TACC1: variants seen among roughly 807,000 people sequenced by gnomAD.
The protein encoded by TACC1 is transforming acidic coiled-coil containing protein 1, also known as transforming acidic coiled-coil-containing protein 1.
A neutral mutation model predicts 84.4 loss-of-function variants in TACC1; 48 were observed. That is an observed-to-expected ratio of 0.57 (90% CI 0.45 to 0.72). The LOEUF (loss-of-function observed/expected upper bound fraction) is 0.72, where lower values mean the gene tolerates loss of function less well. Ranked by LOEUF, TACC1 falls within the 30% of genes least tolerant of loss-of-function variation. The pLI, the probability that TACC1 is intolerant of heterozygous loss-of-function variation, is 0.00. For synonymous variants in TACC1, 372 were observed against 376.3 expected (o/e 0.99, Z 0.13); for missense variants, 920 against 973.0 (o/e 0.95, Z 0.72).
intron 2 of TACC1, among the ~76,000 whole-genome samples, chr8:38,790,438 A>C (rs1368771227): frequency 1.3e-5 from 2 of 152,294 alleles, no homozygotes; most frequent in Middle Eastern, 3.4e-3. Flanking sequence ...AGGGATTGTG[A>C]TTCAGCTTCT....
chr8:38,797,956 C>T (rs769281874), intron 2 of TACC1, among the ~76,000 whole-genome samples: 14 of 152,194 alleles, frequency 9.2e-5, no homozygotes, highest in Non-Finnish European at 1.9e-4. Flanking sequence ...TTCCAGAACC[C>T]ATGGGCATCT....
chr8:38,837,030 C>T (rs576676629), intron 7 of TACC1, among the ~76,000 whole-genome samples: 2 of 151,098 alleles, frequency 1.3e-5, no homozygotes, highest in South Asian at 2.1e-4. Flanking sequence ...AAAATAGCAT[C>T]AAGTTGGTAA....
At chr8:38,743,677 A>G (rs1807517957) in intron 2 of TACC1, among the ~76,000 whole-genome samples, 1 of 152,096 alleles carries the variant, frequency 6.6e-6, no homozygotes, top group South Asian at 2.1e-4. Context: ...TGTCATAGAA[A>G]CTCAAAATAA....
chr8:38,758,675 T>C (rs1274738086), intron 3 of TACC1, among the ~76,000 whole-genome samples: 3 of 71,132 alleles, frequency 4.2e-5, no homozygotes, highest in Non-Finnish European at 7.5e-5. Flanking sequence ...GGAGACTCCA[T>C]CTCAAAAAAA....
chr8:38,816,226 A>C (rs1229307063), intron 2 of TACC1, among the ~76,000 whole-genome samples: 2 of 152,240 alleles, frequency 1.3e-5, no homozygotes, highest in East Asian at 3.8e-4. Flanking sequence ...TAGAAATAGT[A>C]CATAAAGTGG....
At chr8:38,804,752 A>G (rs540526138) in intron 2 of TACC1, among the ~76,000 whole-genome samples, 43 of 152,236 alleles carry the variant, frequency 2.8e-4, no homozygotes, top group African/African-American at 9.9e-4. Flanking sequence ...GCAGGCAAAC[A>G]CCACTGTACT....
In TACC1 at chr8:38,808,016, A is replaced by G. The variant is rs369629072; in HGVS notation, c.278-11506A>G. Among the ~76,000 whole-genome samples, 162 of 152,370 alleles carry G rather than the reference A, an allele frequency of 1.1e-3. 1 individual carries two copies. The highest frequency in any genetic ancestry group is 8.8e-5 in the Non-Finnish European group (6 of 68,042). Reference sequence around the variant, plus strand: ...GAAAGGAAGAGTTTCATTAACAGCAACAAATGGGCCAGAAGTGGAAATTTT... The same window carrying G: ...GAAAGGAAGAGTTTCATTAACAGCAGCAAATGGGCCAGAAGTGGAAATTTT... On this transcript the variant is annotated intron_variant, in intron 2 of 12. Coordinates refer to ENST00000317827, the MANE Select transcript of TACC1 (RefSeq NM_006283.3).
At chr8:38,776,187 A>T (rs1814755317) in intron 3 of TACC1, among the ~76,000 whole-genome samples, 1 of 152,220 alleles carries the variant, frequency 6.6e-6, no homozygotes, top group Non-Finnish European at 1.5e-5. Flanking sequence ...GCCTTTGTGA[A>T]ATCTAAATAT....
chr8:38,814,477 A>G (rs932388040), intron 2 of TACC1, among the ~76,000 whole-genome samples: 13 of 152,238 alleles, frequency 8.5e-5, no homozygotes, highest in Non-Finnish European at 1.8e-4. Context: ...CATTGCCTAC[A>G]GTATTCAGTA....
intron 8 of TACC1, chr8:38,839,696 A>G (rs1437659061): frequency 1.1e-5 from 2 of 189,202 alleles, no homozygotes; most frequent in East Asian, 2.4e-4. Flanking sequence ...GTCATTCTTC[A>G]CTAGAAGAAA....
chr8:38,838,431 G>T (rs931450358), intron 7 of TACC1, 39 bp from the exon 8 acceptor site: 20 of 1,492,124 alleles, frequency 1.3e-5, no homozygotes, highest in East Asian at 4.5e-5. Context: ...AATGCAAATT[G>T]TAATAGATTG....
At chr8:38,838,338 T>G in intron 7 of TACC1, 132 bp from the exon 8 acceptor site, 1 of 614,678 alleles carries the variant, frequency 1.6e-6, no homozygotes. Context: ...TTACAAACAT[T>G]TAATATTGAA....
intron 6 of TACC1, among the ~76,000 whole-genome samples, chr8:38,835,885 G>T (rs1050086918): frequency 4.6e-5 from 7 of 152,292 alleles, no homozygotes; most frequent in Admixed American, 1.3e-4. Context: ...GTGACTGACC[G>T]CTATTATAAG....
chr8:38,835,620 G>C (rs1830078392), intron 6 of TACC1, among the ~76,000 whole-genome samples: 1 of 152,272 alleles, frequency 6.6e-6, no homozygotes, highest in South Asian at 2.1e-4. Context: ...AATCATCCGG[G>C]TGAAAGGGTG....
intron 1 of TACC1, among the ~76,000 whole-genome samples, chr8:38,737,629 AC>A (rs1328401985): frequency 1.3e-5 from 2 of 150,936 alleles, no homozygotes; most frequent in Non-Finnish European, 1.5e-5. Flanking sequence ...GAGCAAACCC[AC>A]CTCCCAAATA....
intron 9 of TACC1, 200 bp downstream of exon 9, chr8:38,840,467 C>T: frequency 2.2e-6 from 1 of 451,676 alleles, no homozygotes; most frequent in Non-Finnish European, 4.0e-6. Flanking sequence ...GGCTGGCTAG[C>T]TCTCTGGGGT....
intron 2 of TACC1, among the ~76,000 whole-genome samples, chr8:38,813,802 T>A (rs1824797834): frequency 6.6e-6 from 1 of 152,200 alleles, no homozygotes; most frequent in South Asian, 2.1e-4. Flanking sequence ...TCTCAGAATC[T>A]TGGGACTTGA....
Position 38,787,236 on chromosome 8 carries a change from G to A in TACC1, c.-347G>A, listed in dbSNP as rs947214598. On this transcript the variant is annotated 5_prime_UTR_variant, in exon 1 of 13. Transcript: ENST00000317827. Reference sequence around the variant, plus strand: ...GCGCGCCCCGCCGGCCGGGAGGCGGGAGTCCGCGAGCCGGGAGCGGGAGCA... The same window carrying A: ...GCGCGCCCCGCCGGCCGGGAGGCGGAAGTCCGCGAGCCGGGAGCGGGAGCA... The A allele has an allele frequency of 2.0e-6, 2 of 1,010,754 alleles. No homozygotes were observed. The highest frequency in any genetic ancestry group is 2.4e-6 in the Non-Finnish European group (2 of 847,242). The allele number at this position is 1,010,754 out of a possible 1,614,324, so 62.6% of individuals were successfully genotyped here.
At chr8:38,750,524 T>G (rs1441229119) in intron 3 of TACC1, among the ~76,000 whole-genome samples, 1 of 152,174 alleles carries the variant, frequency 6.6e-6, no homozygotes, top group African/African-American at 2.4e-5. Flanking sequence ...TAAGTAAAAT[T>G]GTCCTTATCT....
Sources: allele counts gnomAD v4.1 joint callset (sites outside exome capture counted in the v4.1 genomes callset), GRCh38; gene constraint gnomAD v4.1.1; transcripts MANE v1.5; gene names NCBI Gene and HGNC (gene_info 2026-07-23, HGNC 2026-07-21).